The following FAM13B variants were observed in gnomAD, a reference collection of about 807,000 sequenced individuals.
The protein encoded by FAM13B is protein FAM13B.
Under a neutral mutation model 117.3 loss-of-function variants are expected in FAM13B, and 60 were observed. The observed-to-expected ratio is 0.51, with a 90% CI of 0.42 to 0.63. FAM13B has a LOEUF of 0.63. Ranked by LOEUF, FAM13B falls within the 30% of genes least tolerant of loss-of-function variation. The probability of loss-of-function intolerance (pLI) is 0.00; values close to 1 mark genes in which losing one functional copy is unlikely to be tolerated. For missense variants in FAM13B, 972 were observed against 1,091.9 expected, an observed-to-expected ratio of 0.89 and a Z score of 1.55; for synonymous variants, 332 against 356.1, an observed-to-expected ratio of 0.93 and a Z score of 0.76.
At chr5:137,999,498 C>A (rs372880844) in intron 7 of FAM13B, among the ~76,000 whole-genome samples, 4 of 152,044 alleles carry the variant, frequency 2.6e-5, no homozygotes, top group African/African-American at 9.7e-5. Flanking sequence ...ATCGCTTGAA[C>A]CCAGGAGGCG....
intron 10 of FAM13B, among the ~76,000 whole-genome samples, chr5:137,979,453 T>C (rs985487436): frequency 1.2e-4 from 19 of 152,192 alleles, no homozygotes; most frequent in Admixed American, 1.3e-4. Flanking sequence ...GGGTACATCA[T>C]TCCCTCTGCT....
rs1329784488 is a variant in FAM13B at position 138,024,893 on chromosome 5, CAG to C, written c.-202-3698_-202-3697del. 1.1e-4 allele frequency among the ~76,000 whole-genome samples: 7 copies of C among 65,860 alleles called. No individual in the cohort carries two copies. The East Asian group carries it at 7.9e-3, about 75-fold the overall frequency. The allele number at this position is 65,860 out of a possible 152,430, so 43.2% of individuals were successfully genotyped here. ...TTTTTTGTTTGTTTTTTTTTTGAGA[CAG>C]AGTCTTACTCTGTCACCCAGGCTAG... On this transcript the variant is annotated intron_variant, in intron 1 of 23. Transcript: ENST00000689681.
In FAM13B at chr5:137,959,683, C is replaced by T. The variant is rs763108921; in HGVS notation, c.1374G>A (p.Gly458=). The change falls in exon 13 of 24, where the codon GGG becomes GGA. Residue 458 remains glycine (G), a synonymous_variant. Transcript: ENST00000689681. ...GTGGAATACTGACACACGCTGCTTC[C>T]CCTTGAACACCAACACTCTGACCTC... The part of the protein sequence containing the change: ...VPGGQSVGVQ[G]EAACVSIPHL... 4 of 1,613,964 alleles carry T rather than the reference C, an allele frequency of 2.5e-6. No individual in the cohort carries two copies. In the East Asian group the frequency reaches 8.9e-5, roughly 36 times the overall value.
intron 1 of FAM13B, among the ~76,000 whole-genome samples, chr5:138,028,706 A>G (rs2151057858): frequency 6.6e-6 from 1 of 152,280 alleles, no homozygotes; most frequent in Non-Finnish European, 1.5e-5. Flanking sequence ...AACATGATGA[A>G]ACCCCATTTC....
intron 10 of FAM13B, among the ~76,000 whole-genome samples, chr5:137,984,333 A>C (rs1449617473): frequency 6.6e-6 from 1 of 152,238 alleles, no homozygotes; most frequent in East Asian, 1.9e-4. Context: ...TACGAGCAAG[A>C]GAAAGATGAC....
Position 138,021,212 on chromosome 5 carries a change from C to T in FAM13B, c.-202-15G>A, listed in dbSNP as rs1182522644. 8.1e-7 allele frequency: 1 copy of T among 1,230,650 alleles called. No individual in the cohort carries two copies. Among genetic ancestry groups the T allele is most frequent in the Non-Finnish European group, 1.0e-6 (1 of 987,148 alleles). 76.2% of individuals were successfully genotyped at this position (1,230,650 alleles called of 1,614,324 possible). A position where few individuals can be genotyped will look rare whatever the true frequency, so the allele number is the denominator to read the frequency against. On this transcript the variant is annotated splice_polypyrimidine_tract_variant and intron_variant, in intron 1 of 23. Coordinates refer to ENST00000689681, the MANE Select transcript of FAM13B (RefSeq NM_001385994.1). ...CAGCAGTTAATCTACAAGACAAAAA[C>T]AATTATTTCAATTTCCCACATCTTT...
intron 7 of FAM13B, among the ~76,000 whole-genome samples, chr5:138,006,267 A>G (rs1283128465): frequency 6.6e-6 from 1 of 152,226 alleles, no homozygotes; most frequent in Non-Finnish European, 1.5e-5. Context: ...TGGACTAAAT[A>G]TATAGCTGGA....
At chr5:138,042,540 G>A (rs572995685) in intron 1 of FAM13B, among the ~76,000 whole-genome samples, 3 of 151,362 alleles carry the variant, frequency 2.0e-5, no homozygotes, top group Non-Finnish European at 4.4e-5. Flanking sequence ...AAGTTTTTAA[G>A]TTTTTTCTTT....
intron 4 of FAM13B, among the ~76,000 whole-genome samples, 172 bp from the exon 5 acceptor site, chr5:138,012,117 ATGGAGAAGAGG>A (rs377723893): frequency 8.0e-4 from 122 of 152,158 alleles, no homozygotes; most frequent in Middle Eastern, 3.4e-3. Context: ...CACTTATGAA[ATGGAGAAGAGG>A]TGGAGAAGAG....
At chr5:138,051,341 A>C (rs1791793779) in intron 1 of FAM13B, among the ~76,000 whole-genome samples, 1 of 152,244 alleles carries the variant, frequency 6.6e-6, no homozygotes, top group South Asian at 2.1e-4. Flanking sequence ...AAAATTGTTT[A>C]GAATTAAAGA....
intron 10 of FAM13B, among the ~76,000 whole-genome samples, chr5:137,977,670 T>A (rs1202360586): frequency 6.6e-6 from 1 of 152,178 alleles, no homozygotes; most frequent in Non-Finnish European, 1.5e-5. Flanking sequence ...TGAACCACCA[T>A]GCCTGGCCTT....
chr5:138,004,349 AGAT>A (rs2150809304), intron 7 of FAM13B, among the ~76,000 whole-genome samples: 1 of 151,744 alleles, frequency 6.6e-6, no homozygotes, highest in Admixed American at 6.6e-5. Flanking sequence ...AAAACCAGAC[AGAT>A]GATCGAAGAG....
At chr5:137,960,643 CT>C (rs1361104526) in intron 11 of FAM13B, among the ~76,000 whole-genome samples, 3 of 152,118 alleles carry the variant, frequency 2.0e-5, no homozygotes, top group Non-Finnish European at 4.4e-5. Flanking sequence ...ATCACTATGT[CT>C]TTTACTTTAA....
chr5:137,999,052 G>A (rs995226565), intron 7 of FAM13B, among the ~76,000 whole-genome samples: 3 of 151,642 alleles, frequency 2.0e-5, no homozygotes, highest in Non-Finnish European at 2.9e-5. Flanking sequence ...GGGCCTCCTC[G>A]CAGGCCCTTG....
upstream of FAM13B, among the ~76,000 whole-genome samples, chr5:138,034,880 C>T (rs1940922238): frequency 6.6e-6 from 1 of 152,068 alleles, no homozygotes; most frequent in Admixed American, 6.6e-5. Flanking sequence ...AAAACCTCCT[C>T]CGCCTGCCCC....
At chr5:138,044,551 C>T (rs1272145987) in intron 1 of FAM13B, among the ~76,000 whole-genome samples, 1 of 118,686 alleles carries the variant, frequency 8.4e-6, no homozygotes, top group African/African-American at 3.1e-5. Flanking sequence ...GACTCCATCT[C>T]GAAAAAAAAA....
At position 137,985,365 on chromosome 5, in the gene FAM13B, A is replaced by C; in HGVS notation, c.1071T>G (p.Ile357Met). Residue 357 changes from isoleucine to methionine, a missense_variant, in exon 10 of 24, where the codon ATT (isoleucine) becomes ATG (methionine). Coordinates refer to ENST00000689681, the MANE Select transcript of FAM13B (RefSeq NM_001385994.1). ...NNQIDIADDI[I>M]NASESNRDCS... Reference sequence around the variant, plus strand: ...AGTCTCTGTTACTTTCACTGGCATTAATAATATCATCAGCAATATCAATCC... The same window carrying C: ...AGTCTCTGTTACTTTCACTGGCATTCATAATATCATCAGCAATATCAATCC... 3.1e-6 allele frequency: 5 copies of C among 1,613,884 alleles called. No homozygotes were observed. The highest frequency in any genetic ancestry group is 4.2e-6 in the Non-Finnish European group (5 of 1,179,940).
At chr5:137,967,643 A>G (rs953629561) in intron 10 of FAM13B, among the ~76,000 whole-genome samples, 21 of 152,328 alleles carry the variant, frequency 1.4e-4, no homozygotes, top group African/African-American at 4.8e-4. Flanking sequence ...CTGTAATTCC[A>G]GTATTTTCAG....
At chr5:138,005,080 T>C (rs1399211050) in intron 7 of FAM13B, among the ~76,000 whole-genome samples, 4 of 151,960 alleles carry the variant, frequency 2.6e-5, no homozygotes, top group African/African-American at 7.3e-5. Context: ...TCTCCTAAAA[T>C]ACAAAAGTTA....
Sources: gnomAD v4.1 joint callset for allele counts (sites outside exome capture counted in the v4.1 genomes callset) on GRCh38, gnomAD v4.1.1 for gene constraint, MANE v1.5 for transcripts, NCBI Gene and HGNC (gene_info 2026-07-23, HGNC 2026-07-21) for gene names.